DMAC2L: variants seen among roughly 807,000 people sequenced by gnomAD.
DMAC2L encodes the protein distal membrane arm assembly component 2 like.
DMAC2L carries 21 observed loss-of-function variants against 22.5 expected under a neutral mutation model. The observed-to-expected ratio is 0.93, with a 90% confidence interval of 0.66 to 1.34. The LOEUF (loss-of-function observed/expected upper bound fraction) is 1.34. Ranked by LOEUF, DMAC2L falls within the 40% of genes most tolerant of loss-of-function variation. The probability of loss-of-function intolerance (pLI) is 0.00; values close to 1 mark genes in which losing one functional copy is unlikely to be tolerated. For synonymous variants in DMAC2L, 86 were observed against 89.5 expected (o/e 0.96, Z 0.22); for missense variants, 239 against 246.5 (o/e 0.97, Z 0.20).
intron 2 of DMAC2L, among the ~76,000 whole-genome samples, chr14:50,315,717 T>G (rs367952475): frequency 6.6e-6 from 1 of 150,432 alleles, no homozygotes; most frequent in African/African-American, 2.4e-5. Flanking sequence ...CCTATTCAGG[T>G]TGCTGCGAAT....
chr14:50,314,553 G>A (rs1433772333), intron 1 of DMAC2L, 38 bp from the exon 2 acceptor site: 4 of 455,914 alleles, frequency 8.8e-6, no homozygotes, highest in African/African-American at 8.0e-5. Flanking sequence ...GAACATGAGT[G>A]TACAGCCTTT....
At chr14:50,312,852 G>C in intron 1 of DMAC2L, 1 of 673,772 alleles carries the variant, frequency 1.5e-6, no homozygotes, top group Non-Finnish European at 2.6e-6. Flanking sequence ...CTTTTATGGG[G>C]CTCCTGGCGG....
chr14:50,318,999 T>C, intron 2 of DMAC2L: 1 of 984,320 alleles, frequency 1.0e-6, no homozygotes, highest in Non-Finnish European at 1.2e-6. Flanking sequence ...ATAGCAGACA[T>C]TCAATAAACA....
At chr14:50,322,082 TAATA>T (rs1258871845) in intron 3 of DMAC2L, among the ~76,000 whole-genome samples, 2 of 152,200 alleles carry the variant, frequency 1.3e-5, no homozygotes, top group African/African-American at 2.4e-5. Flanking sequence ...ATGTAGAAAT[TAATA>T]AATATCACTT....
intron 1 of DMAC2L, 80 bp from the exon 2 acceptor site, chr14:50,314,511 T>C: frequency 2.2e-6 from 1 of 455,694 alleles, no homozygotes; most frequent in South Asian, 1.5e-5. Flanking sequence ...GAGTTGTTTC[T>C]AGTTTTTAGC....
intron 2 of DMAC2L, among the ~76,000 whole-genome samples, chr14:50,317,717 C>A (rs1046821215): frequency 6.6e-6 from 1 of 151,702 alleles, no homozygotes; most frequent in African/African-American, 2.4e-5. Context: ...TTGCAGTGAG[C>A]TGAGGTCATG....
At chr14:50,325,070 G>A (rs552198190) in intron 5 of DMAC2L, among the ~76,000 whole-genome samples, 63 of 152,270 alleles carry the variant, frequency 4.1e-4, no homozygotes, top group African/African-American at 1.4e-3. Flanking sequence ...CACCGTGCCC[G>A]GCCTAGAAGT....
chr14:50,318,908 C>A, intron 2 of DMAC2L: 1 of 440,724 alleles, frequency 2.3e-6, no homozygotes, highest in Non-Finnish European at 3.0e-6. Context: ...AGGTCAGGAA[C>A]CTTGTCTTTC....
rs2032737378 is a variant in DMAC2L at position 50,327,154 on chromosome 14, C to T, written c.*1431C>T. 6.6e-6 allele frequency: 1 copy of T among 151,842 alleles called. No individual in the cohort carries two copies. The highest frequency in any genetic ancestry group is 2.1e-4 in the South Asian group (1 of 4,796). The allele number at this position is 151,842 out of a possible 1,614,324, so 9.4% of individuals were successfully genotyped here. The stretch of plus-strand genomic sequence containing the variant: ...ACGAGCCTGGGCAACATGGCAAAAC[C>T]CTGTCTCTACCAAAAAATTAAAAAA... On this transcript the variant is annotated 3_prime_UTR_variant, in exon 6 of 6. Coordinates refer to ENST00000557421, the MANE Select transcript of DMAC2L (RefSeq NM_001382507.1).
At position 50,321,516 on chromosome 14, in the gene DMAC2L, A is replaced by T. The variant is rs1279572411; in HGVS notation, c.29A>T (p.Gln10Leu). MMPFGKISQ[Q>L]LCGVKKLPWS... ...ATGCCGTTTGGAAAAATTTCCCAGCAGTTGTGTGGCGTAAAGAAACTCCCA... is the reference window on the plus strand; with the variant it reads ...ATGCCGTTTGGAAAAATTTCCCAGCTGTTGTGTGGCGTAAAGAAACTCCCA... Residue 10 changes from glutamine (Q) to leucine (L), a missense_variant, in exon 3 of 6, where the codon CAG (glutamine) becomes CTG (leucine). Transcript: ENST00000557421. 1.2e-6 allele frequency: 2 copies of T among 1,613,966 alleles called. No homozygotes were observed. The highest frequency in any genetic ancestry group is 1.7e-5 in the Admixed American group (1 of 59,994).
At position 50,312,354 on chromosome 14, in the gene DMAC2L, C is replaced by A. The variant is rs2031292705; in HGVS notation, c.-77C>A. On this transcript the variant is annotated 5_prime_UTR_variant, in exon 1 of 6. Coordinates refer to ENST00000557421, the MANE Select transcript of DMAC2L (RefSeq NM_001382507.1). ...GGCCAGGGTGCCGCAGACGCGGGGA[C>A]GCTGGCTCGCTCCCTCCCTCCCTCC... is the stretch of plus-strand genomic sequence containing the variant. 6.0e-6 allele frequency: 4 copies of A among 671,970 alleles called. No individual in the cohort carries two copies. The African/African-American group carries it at 7.2e-5, about 12-fold the overall frequency. The allele number at this position is 671,970 out of a possible 1,614,324, so 41.6% of individuals were successfully genotyped here. A position where few individuals can be genotyped will look rare whatever the true frequency, so the allele number is the denominator to read the frequency against.
chr14:50,326,479 A>G lies in DMAC2L; in HGVS notation c.*756A>G, dbSNP rs762552673. 1 of 985,452 alleles carries G rather than the reference A, an allele frequency of 1.0e-6. No homozygotes were observed. Among genetic ancestry groups the G allele is most frequent in the African/African-American group, 1.7e-5 (1 of 57,362 alleles). 61.0% of individuals were successfully genotyped at this position (985,452 alleles called of 1,614,324 possible). On this transcript the variant is annotated 3_prime_UTR_variant, in exon 6 of 6. Transcript: ENST00000557421. Reference sequence around the variant, plus strand: ...ATTCATTGATGGAGTCAATTATGCAAAGTGGTCAGTGGTTGTTGAAGCATG... The same window carrying G: ...ATTCATTGATGGAGTCAATTATGCAGAGTGGTCAGTGGTTGTTGAAGCATG...
chr14:50,322,415 A>C (rs1273700628), intron 3 of DMAC2L, 96 bp from the exon 4 acceptor site: 12 of 1,282,906 alleles, frequency 9.4e-6, no homozygotes, highest in Non-Finnish European at 1.1e-5. Context: ...CTTGAAATGA[A>C]AATTTGTTGC....
intron 2 of DMAC2L, among the ~76,000 whole-genome samples, chr14:50,317,829 T>A (rs1471146029): frequency 1.3e-5 from 2 of 152,048 alleles, no homozygotes; most frequent in African/African-American, 2.4e-5. Flanking sequence ...TTGTTCCAAT[T>A]CTTGGAGGGA....
At chr14:50,312,855 C>T (rs2031373671) in intron 1 of DMAC2L, 1 of 685,030 alleles carries the variant, frequency 1.5e-6, no homozygotes, top group African/African-American at 1.8e-5. Flanking sequence ...TTATGGGGCT[C>T]CTGGCGGTGC....
intron 3 of DMAC2L, 129 bp downstream of exon 3, chr14:50,321,723 A>T (rs2139306729): frequency 3.6e-6 from 2 of 558,464 alleles, no homozygotes; most frequent in South Asian, 5.7e-5. Flanking sequence ...TTACAAACAA[A>T]CAAAACCCAC....
rs1216161688 is a variant in DMAC2L, at chr14:50,314,638, T to C, written c.-6+12T>C. On this transcript the variant is annotated intron_variant, in intron 2 of 5. Transcript: ENST00000557421. ...TGCTGGGTCATATGGTAAGTGCATG[T>C]TTATTTTTTATTTTTATTTTTGAGA... 3 of 454,264 alleles carry C rather than the reference T, an allele frequency of 6.6e-6. No homozygotes were observed. The highest frequency in any genetic ancestry group is 2.0e-5 in the African/African-American group (1 of 50,098). The allele number at this position is 454,264 out of a possible 1,614,324, so 28.1% of individuals were successfully genotyped here. A position where few individuals can be genotyped will look rare whatever the true frequency, so the allele number is the denominator to read the frequency against.
chr14:50,311,885 T>C (rs2031224396), upstream of DMAC2L: 12 of 1,296,498 alleles, frequency 9.3e-6, no homozygotes, highest in East Asian at 1.5e-4. Context: ...GAGGTTGGAG[T>C]GCCACAGGAC....
chr14:50,312,277 G>GT, upstream of DMAC2L: 1 of 1,408,024 alleles, frequency 7.1e-7, no homozygotes, highest in South Asian at 1.2e-5. Context: ...TTCGCCCCAT[G>GT]TGGGAGAGGC....
Sources: gnomAD v4.1 joint callset for allele counts (sites outside exome capture counted in the v4.1 genomes callset) on GRCh38, gnomAD v4.1.1 for gene constraint, MANE v1.5 for transcripts, NCBI Gene and HGNC (gene_info 2026-07-23, HGNC 2026-07-21) for gene names.